The following SCML4 variants were observed in gnomAD, a reference collection of about 807,000 sequenced individuals.
SCML4 encodes sex comb on midleg-like protein 4.
Under a neutral mutation model 41.1 loss-of-function variants are expected in SCML4, and 34 were observed. That is an observed-to-expected ratio of 0.83 (90% confidence interval 0.63 to 1.10). The LOEUF is 1.10. SCML4 is among the 50% of genes least tolerant of loss of function. SCML4 has a pLI of 0.00. For missense variants in SCML4, 522 were observed against 534.1 expected (o/e 0.98, Z 0.22); for synonymous variants, 214 against 220.9 (o/e 0.97, Z 0.28).
intron 1 of SCML4, among the ~76,000 whole-genome samples, chr6:107,810,766 A>G (rs1784101270): frequency 6.6e-6 from 1 of 152,176 alleles, no homozygotes; most frequent in Admixed American, 6.5e-5. Flanking sequence ...AAAATCATAT[A>G]TTGAAGTCGT....
At chr6:107,743,730 C>A (rs1192800904) in intron 5 of SCML4, among the ~76,000 whole-genome samples, 3 of 152,146 alleles carry the variant, frequency 2.0e-5, no homozygotes, top group East Asian at 1.9e-4. Flanking sequence ...TAATTAGGTA[C>A]CTTCCTTTGC....
chr6:107,839,910 T>C, the SCML4 span, among the ~76,000 whole-genome samples: 2 of 152,024 alleles, frequency 1.3e-5, no homozygotes, highest in Admixed American at 1.3e-4. Context: ...TTTTTAAATA[T>C]CTAAGTTGTA....
intron 5 of SCML4, among the ~76,000 whole-genome samples, chr6:107,725,901 AC>A (rs1445022440): frequency 3.3e-5 from 5 of 151,556 alleles, no homozygotes; most frequent in African/African-American, 1.2e-4. Context: ...ACACAGTGAA[AC>A]CCCGTCTCTA....
intron 5 of SCML4, among the ~76,000 whole-genome samples, chr6:107,733,298 T>A (rs942120580): frequency 6.6e-6 from 1 of 152,236 alleles, no homozygotes; most frequent in Non-Finnish European, 1.5e-5. Context: ...TGATTCTGCA[T>A]GTCCAGATTG....
chr6:107,787,996 C>G (rs188483456), intron 1 of SCML4, among the ~76,000 whole-genome samples: 103 of 152,286 alleles, frequency 6.8e-4, no homozygotes, highest in African/African-American at 2.3e-3. Context: ...AGAAAGATAC[C>G]ACCTCGGACC....
chr6:107,716,235 G>A (rs186394871), intron 6 of SCML4, among the ~76,000 whole-genome samples: 1 of 152,318 alleles, frequency 6.6e-6, no homozygotes, highest in Non-Finnish European at 1.5e-5. Flanking sequence ...GGCACCTGGA[G>A]TCCTGTCTGC....
chr6:107,825,061 C>G (rs1785200845), upstream of SCML4, among the ~76,000 whole-genome samples: 1 of 152,232 alleles, frequency 6.6e-6, no homozygotes, highest in South Asian at 2.1e-4. Context: ...AGGATAGAAA[C>G]AGGGCAAGAG....
intron 1 of SCML4, among the ~76,000 whole-genome samples, chr6:107,790,682 G>A (rs963832155): frequency 5.9e-5 from 9 of 152,092 alleles, no homozygotes; most frequent in Non-Finnish European, 8.8e-5. Context: ...TCAAACAAGC[G>A]TGCAAACAGA....
chr6:107,826,700 G>T (rs1785269178), upstream of SCML4, among the ~76,000 whole-genome samples: 2 of 152,144 alleles, frequency 1.3e-5, no homozygotes, highest in South Asian at 4.1e-4. Context: ...CTCAAGGTGG[G>T]TGCATGTGGG....
chr6:107,718,504 G>A lies in SCML4; in HGVS notation c.973+2199C>T, dbSNP rs1038007817. 7 of 152,510 alleles carry A rather than the reference G, an allele frequency of 4.6e-5. No individual in the cohort carries two copies. The East Asian group carries it at 1.3e-3, about 29-fold the overall frequency. The allele number at this position is 152,510 out of a possible 1,614,324, so 9.4% of individuals were successfully genotyped here. The stretch of plus-strand genomic sequence containing the variant: ...ACAGGAGAACAAAGGGCCGGTATGG[G>A]GATGAAAGTGAAGGACAGGAGGACA... On this transcript the variant is annotated intron_variant, in intron 6 of 7. Transcript: ENST00000369020.
chr6:107,762,876 C>CTTTTTTTTTTTTTTTTTTTTTTTTTTTTT (rs57370632), intron 2 of SCML4, among the ~76,000 whole-genome samples: 3 of 89,656 alleles, frequency 3.3e-5, no homozygotes, highest in Non-Finnish European at 5.8e-5. Flanking sequence ...TAAATGCACT[C>CTTTTTTTTTTTTTTTTTTTTTTTTTTTTT]TTTTTTTTTT....
intron 1 of SCML4, among the ~76,000 whole-genome samples, chr6:107,774,645 C>G (rs1780778289): frequency 6.6e-6 from 1 of 152,088 alleles, no homozygotes; most frequent in Admixed American, 6.5e-5. Flanking sequence ...TTGGGACATG[C>G]TTCTCTGCTT....
rs201781585 is a variant in SCML4, at chr6:107,803,076, C to T, written c.-60+21050G>A. On this transcript the variant is annotated intron_variant, in intron 1 of 7. Transcript: ENST00000369020. The stretch of plus-strand genomic sequence containing the variant: ...TGGTGCCCAGGCTGGAGTGCAGTGG[C>T]GTGATCTCGGCTCGCTACAACTTCC... 3.8e-3 allele frequency among the ~76,000 whole-genome samples: 580 copies of T among 152,014 alleles called. 5 individuals carry two copies. The highest frequency in any genetic ancestry group is 0.019 in the East Asian group (97 of 5,112).
At chr6:107,765,345 G>A (rs567262907) in intron 2 of SCML4, among the ~76,000 whole-genome samples, 14 of 152,224 alleles carry the variant, frequency 9.2e-5, no homozygotes, top group Middle Eastern at 3.4e-3. Flanking sequence ...GGCTGGAGCC[G>A]GCTTGTACTA....
At chr6:107,793,997 G>A (rs985077541) in intron 1 of SCML4, among the ~76,000 whole-genome samples, 4 of 152,258 alleles carry the variant, frequency 2.6e-5, no homozygotes, top group Admixed American at 2.6e-4. Context: ...AAGAAGGCCA[G>A]TATAGAAAAA....
chr6:107,782,699 C>G (rs1287490471), intron 1 of SCML4, among the ~76,000 whole-genome samples: 139 of 142,732 alleles, frequency 9.7e-4, no homozygotes, highest in South Asian at 4.3e-3. Context: ...ATGGCAGGTG[C>G]TGGTCTGAGT....
intron 1 of SCML4, among the ~76,000 whole-genome samples, chr6:107,795,734 G>A (rs1475988734): frequency 6.6e-6 from 1 of 151,952 alleles, no homozygotes; most frequent in Non-Finnish European, 1.5e-5. Flanking sequence ...TCACCATGTG[G>A]GCCAGGCTGG....
intron 1 of SCML4, among the ~76,000 whole-genome samples, chr6:107,779,501 G>C (rs1018708217): frequency 1.3e-5 from 2 of 152,178 alleles, no homozygotes; most frequent in African/African-American, 4.8e-5. Context: ...CAGGATCAAG[G>C]CTTCTGTTGT....
Position 107,720,923 on chromosome 6 carries a change from G to A in SCML4, c.753C>T (p.Ser251=), listed in dbSNP as rs78475831. The change falls in exon 6 of 8, where the codon TCC becomes TCT. Residue 251 remains serine, a synonymous_variant. Coordinates refer to ENST00000369020, the MANE Select transcript of SCML4 (RefSeq NM_198081.5). The stretch of plus-strand genomic sequence containing the variant: ...AGCCCCTGTGGTTAAAGGTGGAGGC[G>A]GAGGTGTCCACGCTGTAGCGGTTCA... The part of the protein sequence containing the change: ...VGMNRYSVDT[S]ASTFNHRGSL... 183 of 1,614,176 alleles carry A rather than the reference G, an allele frequency of 1.1e-4. No individual in the cohort carries two copies. In the East Asian group the frequency reaches 2.5e-3, roughly 22 times the overall value.
Sources: gnomAD v4.1 joint callset for allele counts (sites outside exome capture counted in the v4.1 genomes callset) on GRCh38, gnomAD v4.1.1 for gene constraint, MANE v1.5 for transcripts, NCBI Gene and HGNC (gene_info 2026-07-23, HGNC 2026-07-21) for gene names.